The following VCF1 variants were observed in gnomAD, a reference collection of about 807,000 sequenced individuals.
VCF1 encodes VCP nuclear cofactor family member 1.
chr17:73,230,664 T>TG, the VCF1 span, among the ~76,000 whole-genome samples: 1 of 152,314 alleles, frequency 6.6e-6, no homozygotes, highest in East Asian at 1.9e-4. Context: ...CCCAAAGTGC[T>TG]GGGATTACAG....
chr17:73,231,494 C>T, the VCF1 span, among the ~76,000 whole-genome samples: 1 of 152,178 alleles, frequency 6.6e-6, no homozygotes, highest in Non-Finnish European at 1.5e-5. Flanking sequence ...TCAAACGGCC[C>T]CGCAATCCAA....
At chr17:73,229,309 G>A in the VCF1 span, 1 of 985,412 alleles carries the variant, frequency 1.0e-6, no homozygotes, top group Non-Finnish European at 1.2e-6. Context: ...CAACAATGGT[G>A]TTAACAACTG....
chr17:73,219,448 G>C, the VCF1 span, among the ~76,000 whole-genome samples: 1 of 151,564 alleles, frequency 6.6e-6, no homozygotes, highest in Non-Finnish European at 1.5e-5. Context: ...AGGAGATTGA[G>C]ACCATCCTGG....
At chr17:73,232,011 C>A in the VCF1 span, 1 of 1,457,604 alleles carries the variant, frequency 6.9e-7, no homozygotes, top group Non-Finnish European at 9.2e-7. Context: ...CTCCGACCCC[C>A]ATTTCGCGCG....
At chr17:73,209,291 T>C in the VCF1 span, 25 of 587,666 alleles carry the variant, frequency 4.3e-5, no homozygotes, top group Non-Finnish European at 6.9e-5. Flanking sequence ...TTGACATAGA[T>C]TTGATACCCT....
the VCF1 span, among the ~76,000 whole-genome samples, chr17:73,223,533 CATAA>C: frequency 6.6e-6 from 1 of 152,058 alleles, no homozygotes. Context: ...AATGGTTTAA[CATAA>C]ATAAAACACC....
At chr17:73,212,680 C>T in the VCF1 span, 22 of 1,595,652 alleles carry the variant, frequency 1.4e-5, no homozygotes, top group East Asian at 3.1e-4. Context: ...AAACCCACCG[C>T]GCAGAACGCT....
chr17:73,229,188 G>A, the VCF1 span: 3 of 985,340 alleles, frequency 3.0e-6, no homozygotes, highest in African/African-American at 5.2e-5. Context: ...TCTTTGGCCT[G>A]TTGGTAGCCT....
At chr17:73,212,614 C>T in the VCF1 span, 95 of 1,363,910 alleles carry the variant, frequency 7.0e-5, no homozygotes, top group African/African-American at 1.2e-3. Flanking sequence ...GTAGAATGGC[C>T]ACTTGCACCT....
At chr17:73,227,329 T>A in the VCF1 span, 6 of 1,298,350 alleles carry the variant, frequency 4.6e-6, no homozygotes, top group East Asian at 1.4e-4. Context: ...GACACTTGAA[T>A]TGCAAACCAT....
the VCF1 span, chr17:73,208,074 G>A: frequency 2.1e-6 from 3 of 1,412,020 alleles, no homozygotes; most frequent in African/African-American, 1.4e-5. Context: ...AGAAGTGCCT[G>A]TGTCTACCCT....
At chr17:73,224,815 C>T in the VCF1 span, among the ~76,000 whole-genome samples, 10 of 140,768 alleles carry the variant, frequency 7.1e-5, no homozygotes, top group Non-Finnish European at 1.4e-4. Flanking sequence ...TGCCAGGAAG[C>T]ACAGCGCAGC....
At chr17:73,228,642 G>T in the VCF1 span, among the ~76,000 whole-genome samples, 2 of 152,098 alleles carry the variant, frequency 1.3e-5, no homozygotes, top group Non-Finnish European at 2.9e-5. Context: ...TCTCTTAGGA[G>T]ATCAGATCTT....
At chr17:73,214,041 C>A in the VCF1 span, among the ~76,000 whole-genome samples, 1 of 152,124 alleles carries the variant, frequency 6.6e-6, no homozygotes, top group Non-Finnish European at 1.5e-5. Context: ...AAAATGGAGA[C>A]TGAAAAGTAT....
the VCF1 span, chr17:73,207,367 C>A: frequency 1.0e-6 from 1 of 995,430 alleles, no homozygotes; most frequent in Non-Finnish European, 1.6e-6. Context: ...TGACAAAATG[C>A]ACTAATGCTG....
chr17:73,226,882 A>T, the VCF1 span, among the ~76,000 whole-genome samples: 2 of 152,252 alleles, frequency 1.3e-5, no homozygotes, highest in Non-Finnish European at 2.9e-5. Context: ...GCTGAAATAC[A>T]AAACAGTGAG....
At chr17:73,214,858 T>TCC in the VCF1 span, among the ~76,000 whole-genome samples, 1 of 152,204 alleles carries the variant, frequency 6.6e-6, no homozygotes, top group Non-Finnish European at 1.5e-5. Flanking sequence ...AGAAGGACCA[T>TCC]CAAATAGGAA....
At chr17:73,213,041 C>T in the VCF1 span, among the ~76,000 whole-genome samples, 3 of 151,866 alleles carry the variant, frequency 2.0e-5, no homozygotes, top group East Asian at 3.9e-4. Context: ...GTCAAGAGAT[C>T]GAGACCTTCC....
At chr17:73,209,917 T>C in the VCF1 span, 1 of 1,293,228 alleles carries the variant, frequency 7.7e-7, no homozygotes, top group Admixed American at 2.5e-5. Flanking sequence ...ATTGATAAAG[T>C]ACGCTCTCCT....
Sources: gnomAD v4.1 joint callset for allele counts (sites outside exome capture counted in the v4.1 genomes callset) on GRCh38, gnomAD v4.1.1 for gene constraint, MANE v1.5 for transcripts, NCBI Gene and HGNC (gene_info 2026-07-23, HGNC 2026-07-21) for gene names.